STK3: variants seen among roughly 807,000 people sequenced by gnomAD.
The protein encoded by STK3 is serine/threonine kinase 3, also known as serine/threonine-protein kinase 3.
In STK3, 41 loss-of-function variants were observed where a neutral mutation model predicts 58.0. The ratio of observed to expected loss-of-function variants is 0.71; its 90% CI spans 0.55 to 0.92. The LOEUF is 0.92. Ranked by LOEUF, STK3 falls within the 40% of genes least tolerant of loss-of-function variation. STK3 has a pLI of 0.00. For missense variants in STK3, 479 were observed against 602.7 expected, an observed-to-expected ratio of 0.79 and a Z score of 2.15; for synonymous variants, 170 against 191.0, an observed-to-expected ratio of 0.89 and a Z score of 0.91.
downstream of STK3, among the ~76,000 whole-genome samples, chr8:98,370,964 A>G (rs554597230): frequency 1.3e-5 from 2 of 152,338 alleles, no homozygotes; most frequent in Non-Finnish European, 2.9e-5. Context: ...CTTTGCCTAG[A>G]GTAGGCACTT....
intron 3 of STK3, among the ~76,000 whole-genome samples, chr8:98,394,290 A>T (rs561522988): frequency 2.6e-5 from 4 of 152,314 alleles, no homozygotes; most frequent in African/African-American, 7.2e-5. Flanking sequence ...AGCCAGAAAG[A>T]CTATGTAATT....
At chr8:98,372,366 G>GC (rs1412658470) in intron 2 of STK3, among the ~76,000 whole-genome samples, 2 of 152,158 alleles carry the variant, frequency 1.3e-5, no homozygotes, top group Non-Finnish European at 2.9e-5. Context: ...TTATGCCTCA[G>GC]CCATCAGCTG....
chr8:98,513,012 A>G (rs929261748), intron 10 of STK3, among the ~76,000 whole-genome samples: 5 of 152,012 alleles, frequency 3.3e-5, no homozygotes, highest in African/African-American at 1.2e-4. Context: ...TGATGAATGA[A>G]GGAAAAAATA....
intron 8 of STK3, among the ~76,000 whole-genome samples, chr8:98,557,981 TAGG>T (rs146565198): frequency 0.032 from 4,855 of 152,204 alleles, 114 homozygotes; most frequent in Non-Finnish European, 0.047. Context: ...TTTGGCATTA[TAGG>T]AGAAGTTTCC....
intron 3 of STK3, among the ~76,000 whole-genome samples, chr8:98,859,312 T>C (rs191915459): frequency 1.3e-5 from 2 of 152,348 alleles, no homozygotes; most frequent in African/African-American, 2.4e-5. Context: ...TCTCTACATT[T>C]GAAAATGATA....
At chr8:98,550,012 G>T (rs528395860) in intron 8 of STK3, among the ~76,000 whole-genome samples, 2 of 152,164 alleles carry the variant, frequency 1.3e-5, no homozygotes, top group South Asian at 4.2e-4. Context: ...ATTTCAAAAA[G>T]AAAGAAAGGA....
chr8:98,693,431 A>G (rs1234741087), intron 6 of STK3, among the ~76,000 whole-genome samples: 1 of 152,158 alleles, frequency 6.6e-6, no homozygotes, highest in Non-Finnish European at 1.5e-5. Flanking sequence ...AGACACTCAG[A>G]GGAAAATGCA....
At chr8:98,660,386 TG>T (rs1821874376) in intron 6 of STK3, among the ~76,000 whole-genome samples, 1 of 151,980 alleles carries the variant, frequency 6.6e-6, no homozygotes. Context: ...AACTGTGCAC[TG>T]AAAAACAGTT....
chr8:98,608,251 A>T (rs993288228), intron 6 of STK3, among the ~76,000 whole-genome samples: 1 of 152,112 alleles, frequency 6.6e-6, no homozygotes, highest in Non-Finnish European at 1.5e-5. Context: ...AAAAAAAAAA[A>T]TTCAACCATC....
At chr8:98,503,549 A>G (rs1398843432) in intron 10 of STK3, among the ~76,000 whole-genome samples, 3 of 152,134 alleles carry the variant, frequency 2.0e-5, no homozygotes, top group African/African-American at 7.2e-5. Flanking sequence ...AGTGCTATAA[A>G]TTTCCCTCTA....
intron 7 of STK3, among the ~76,000 whole-genome samples, chr8:98,586,145 T>C (rs371826659): frequency 1.3e-3 from 191 of 151,632 alleles, no homozygotes; most frequent in African/African-American, 4.4e-3. Context: ...TGAATAGGAG[T>C]GGTGAGAGAG....
chr8:98,617,507 A>T (rs1450616500), intron 6 of STK3, among the ~76,000 whole-genome samples: 3 of 149,016 alleles, frequency 2.0e-5, no homozygotes, highest in Non-Finnish European at 4.5e-5. Context: ...CCCTTCAAAA[A>T]ATCAATGAAT....
intron 10 of STK3, among the ~76,000 whole-genome samples, chr8:98,503,741 G>A (rs542316843): frequency 5.8e-4 from 88 of 152,272 alleles, no homozygotes; most frequent in African/African-American, 2.0e-3. Context: ...CTGAGTTCTA[G>A]TCTGATTGCA....
At chr8:98,639,136 G>A (rs1378256926) in intron 6 of STK3, among the ~76,000 whole-genome samples, 2 of 148,084 alleles carry the variant, frequency 1.4e-5, no homozygotes, top group African/African-American at 2.5e-5. Flanking sequence ...TTTGAGCAAG[G>A]TCTTATTCTG....
At chr8:98,859,956 A>T (rs1320469764) in intron 3 of STK3, among the ~76,000 whole-genome samples, 1 of 152,198 alleles carries the variant, frequency 6.6e-6, no homozygotes, top group Non-Finnish European at 1.5e-5. Context: ...AAACTATTGC[A>T]ATATGGAGGA....
chr8:98,765,063 A>G (rs1344033334), intron 3 of STK3, among the ~76,000 whole-genome samples: 1 of 152,238 alleles, frequency 6.6e-6, no homozygotes, highest in African/African-American at 2.4e-5. Context: ...GATTTGAGGG[A>G]AGAGATATGT....
the STK3 span, among the ~76,000 whole-genome samples, chr8:98,361,213 C>T: frequency 6.6e-6 from 1 of 152,160 alleles, no homozygotes; most frequent in Non-Finnish European, 1.5e-5. Flanking sequence ...GGCTGAAGAG[C>T]TTCATGCTGG....
At chr8:98,639,080 G>T (rs1202776510) in intron 6 of STK3, among the ~76,000 whole-genome samples, 2 of 150,962 alleles carry the variant, frequency 1.3e-5, no homozygotes. Context: ...TGTAGAAACA[G>T]TACTCTAAAA....
At chr8:98,736,675 G>C (rs1445715685) in intron 4 of STK3, among the ~76,000 whole-genome samples, 1 of 151,998 alleles carries the variant, frequency 6.6e-6, no homozygotes, top group Non-Finnish European at 1.5e-5. Context: ...TTCTTTCAAA[G>C]ACAAGCACAA....
Sources: gnomAD v4.1 joint callset for allele counts (sites outside exome capture counted in the v4.1 genomes callset) on GRCh38, gnomAD v4.1.1 for gene constraint, MANE v1.5 for transcripts, NCBI Gene and HGNC (gene_info 2026-07-23, HGNC 2026-07-21) for gene names.